The following PCDHA6 variants were observed in gnomAD, a reference collection of about 807,000 sequenced individuals.
PCDHA6 encodes protocadherin alpha 6, also known as protocadherin alpha-6.
A neutral mutation model predicts 60.3 loss-of-function variants in PCDHA6; 55 were observed. That is an observed-to-expected ratio of 0.91 (90% CI 0.73 to 1.14). The LOEUF (loss-of-function observed/expected upper bound fraction) is 1.14. PCDHA6 is among the 50% of genes most tolerant of loss of function. PCDHA6 has a pLI of 0.00. For synonymous variants in PCDHA6, 652 were observed against 557.9 expected, an observed-to-expected ratio of 1.17 and a Z score of -2.38; for missense variants, 1,327 against 1,256.5, an observed-to-expected ratio of 1.06 and a Z score of -0.85.
chr5:140,959,370 T>C (rs1212787453), intron 1 of PCDHA6, among the ~76,000 whole-genome samples: 1 of 151,796 alleles, frequency 6.6e-6, no homozygotes, highest in African/African-American at 2.4e-5. Flanking sequence ...TGAGACCCTG[T>C]CTCAAAAAAA....
At chr5:140,864,663 C>G (rs75209206) in intron 1 of PCDHA6, 1 of 152,176 alleles carries the variant, frequency 6.6e-6, no homozygotes, top group African/African-American at 2.4e-5. Flanking sequence ...ACTTAATTAC[C>G]TGTTGACTTA....
intron 1 of PCDHA6, among the ~76,000 whole-genome samples, chr5:140,936,741 C>T (rs1234099505): frequency 3.3e-5 from 5 of 152,138 alleles, no homozygotes; most frequent in African/African-American, 1.2e-4. Flanking sequence ...AGTAACTTTT[C>T]ATTTGTATTG....
rs2150175882 is a variant in PCDHA6, at chr5:140,829,839, G to A, written c.1748G>A (p.Arg583Gln). The A allele has an allele frequency of 1.2e-6, 2 of 1,613,930 alleles. No individual in the cohort carries two copies. The highest frequency in any genetic ancestry group is 1.3e-5 in the African/African-American group (1 of 75,056). ...GGTGCAGTGAGCGAGCTGGTGCCGC[G>A]GTCACTGGGTGCAGGCCAAGTGGTG... ...TGGAVSELVP[R>Q]SLGAGQVVAK... Residue 583 changes from arginine (R) to glutamine (Q), a missense_variant, in exon 1 of 4, where the codon CGG becomes CAG. Transcript: ENST00000529310.
chr5:140,935,554 GA>G (rs2090429733), intron 1 of PCDHA6, among the ~76,000 whole-genome samples: 1 of 152,134 alleles, frequency 6.6e-6, no homozygotes, highest in Non-Finnish European at 1.5e-5. Flanking sequence ...AAGTATCTTG[GA>G]AAAGTTCCTC....
intron 1 of PCDHA6, among the ~76,000 whole-genome samples, chr5:140,915,048 C>T (rs782399136): frequency 2.0e-5 from 3 of 151,284 alleles, no homozygotes; most frequent in East Asian, 1.9e-4. Context: ...TGGGTTCAAG[C>T]GATTCTCCTG....
chr5:140,889,767 C>T (rs539294045), intron 1 of PCDHA6, among the ~76,000 whole-genome samples: 29 of 152,202 alleles, frequency 1.9e-4, no homozygotes, highest in African/African-American at 6.7e-4. Context: ...TGAACTTTGA[C>T]TGGTCTTAAT....
intron 1 of PCDHA6, among the ~76,000 whole-genome samples, chr5:140,951,182 C>T (rs782338729): frequency 9.2e-5 from 14 of 151,876 alleles, no homozygotes; most frequent in East Asian, 1.9e-4. Context: ...AGTCATTGTC[C>T]GCTAATTCCC....
In PCDHA6 at chr5:140,876,724, G is replaced by A. The variant is rs140611870; in HGVS notation, c.2394+46239G>A. On this transcript the variant is annotated intron_variant, in intron 1 of 3. Transcript: ENST00000529310. The stretch of plus-strand genomic sequence containing the variant: ...GGACAGCGCCCTGGACCGCGAGAGC[G>A]TGTCGGCCTATGAGCTGGTGGTGAC... The A allele has an allele frequency of 2.3e-4, 378 of 1,614,246 alleles. 3 individuals are homozygous for A. In the East Asian group the frequency reaches 2.9e-3, roughly 13 times the overall value.
intron 1 of PCDHA6, chr5:140,863,394 G>A (rs1342756414): frequency 2.2e-6 from 2 of 929,190 alleles, no homozygotes; most frequent in South Asian, 1.3e-5. Context: ...CGTGCATGCC[G>A]GGCAAGCCCA....
intron 3 of PCDHA6, among the ~76,000 whole-genome samples, chr5:141,000,877 C>T (rs2097970762): frequency 6.6e-6 from 1 of 151,952 alleles, no homozygotes; most frequent in Non-Finnish European, 1.5e-5. Context: ...CATTGTACTC[C>T]AACCTGGGCA....
chr5:140,958,617 A>C (rs2095434462), intron 1 of PCDHA6, among the ~76,000 whole-genome samples: 1 of 152,204 alleles, frequency 6.6e-6, no homozygotes, highest in Admixed American at 6.5e-5. Flanking sequence ...ATACTAGTCC[A>C]GCTTGAGAGT....
Position 140,843,346 on chromosome 5 carries a change from TC to T in PCDHA6, c.2394+12863del, listed in dbSNP as rs1554139985. 10 of 1,595,966 alleles carry T rather than the reference TC, an allele frequency of 6.3e-6. 1 individual carries two copies. In the Middle Eastern group the frequency reaches 5.0e-4, roughly 80 times the overall value. On this transcript the variant is annotated intron_variant, in intron 1 of 3. Coordinates refer to ENST00000529310, the MANE Select transcript of PCDHA6 (RefSeq NM_018909.4). ...TGTCGCTGGTGGAGAGCGGCCAGGC[TC>T]CAAAAGCGTCATCGAGGCAGTCGGC... is the stretch of plus-strand genomic sequence containing the variant.
intron 1 of PCDHA6, among the ~76,000 whole-genome samples, chr5:140,926,112 A>G (rs556372882): frequency 3.3e-4 from 51 of 152,258 alleles, no homozygotes; most frequent in African/African-American, 1.2e-3. Context: ...AAGAGGGTGC[A>G]GGACAGACTT....
At chr5:140,906,926 T>C (rs1217312413) in intron 1 of PCDHA6, among the ~76,000 whole-genome samples, 1 of 152,194 alleles carries the variant, frequency 6.6e-6, no homozygotes, top group Non-Finnish European at 1.5e-5. Flanking sequence ...CCAAAAAGTG[T>C]CCCGGTGTCA....
At chr5:140,845,370 T>G (rs1032525596) in intron 1 of PCDHA6, among the ~76,000 whole-genome samples, 1 of 149,690 alleles carries the variant, frequency 6.7e-6, no homozygotes, top group African/African-American at 2.4e-5. Flanking sequence ...CAAAATATCA[T>G]AAATAGGAGG....
chr5:141,007,256 G>A (rs1412168610), intron 3 of PCDHA6, among the ~76,000 whole-genome samples: 1 of 152,034 alleles, frequency 6.6e-6, no homozygotes, highest in Non-Finnish European at 1.5e-5. Flanking sequence ...CAAGTTAAAA[G>A]AAGCAGATAC....
intron 1 of PCDHA6, among the ~76,000 whole-genome samples, chr5:140,840,809 C>T (rs1776884583): frequency 6.6e-6 from 1 of 151,832 alleles, no homozygotes; most frequent in Admixed American, 6.6e-5. Flanking sequence ...TAATATATAC[C>T]AGTGTTTCTG....
rs1160767102 is a variant in PCDHA6, at chr5:140,964,322, A to G, written c.2395-14627A>G. On this transcript the variant is annotated intron_variant, in intron 1 of 3. Coordinates refer to ENST00000529310, the MANE Select transcript of PCDHA6 (RefSeq NM_018909.4). ...TACCTACAAGGCCTAAAACAGCATA[A>G]TGGACAACCTGGCAGGTGTCCTTGC... Among the ~76,000 whole-genome samples the G allele has an allele frequency of 2.0e-5, 3 of 152,346 alleles. No individual in the cohort carries two copies. The East Asian group carries it at 5.8e-4, about 29-fold the overall frequency.
At chr5:140,966,477 T>C in intron 1 of PCDHA6, 1 of 432,754 alleles carries the variant, frequency 2.3e-6, no homozygotes, top group Non-Finnish European at 4.0e-6. Context: ...TTCTGTTTCC[T>C]TTTCCCTCCC....
Sources: allele counts gnomAD v4.1 joint callset (sites outside exome capture counted in the v4.1 genomes callset), GRCh38; gene constraint gnomAD v4.1.1; transcripts MANE v1.5; gene names NCBI Gene and HGNC (gene_info 2026-07-23, HGNC 2026-07-21).